Variants in NRXN1 observed in about 807,000 individuals in gnomAD.
NRXN1 encodes neurexin-1.
A neutral mutation model predicts 150.9 loss-of-function variants in NRXN1; 39 were observed. The ratio of observed to expected loss-of-function variants is 0.26; its 90% CI spans 0.20 to 0.34. The LOEUF is 0.34. NRXN1 is among the 10% of genes least tolerant of loss of function. NRXN1 has a pLI of 1.00. For missense variants in NRXN1, 1,815 were observed against 1,949.9 expected (o/e 0.93, Z 1.30); for synonymous variants, 924 against 757.0 (o/e 1.22, Z -3.62).
At chr2:50,693,120 T>C (rs1171663154) in intron 5 of NRXN1, among the ~76,000 whole-genome samples, 1 of 152,144 alleles carries the variant, frequency 6.6e-6, no homozygotes, top group Non-Finnish European at 1.5e-5. Context: ...GACACTTGAA[T>C]AGTTTCTGAT....
intron 2 of NRXN1, among the ~76,000 whole-genome samples, chr2:50,999,551 C>G (rs1699771238): frequency 6.6e-6 from 1 of 152,008 alleles, no homozygotes; most frequent in Admixed American, 6.6e-5. Context: ...CTCCCCCAGG[C>G]ACCCAGCTTT....
chr2:50,846,204 C>A (rs1473080896), intron 5 of NRXN1, among the ~76,000 whole-genome samples: 2 of 152,070 alleles, frequency 1.3e-5, no homozygotes, highest in African/African-American at 4.8e-5. Context: ...CCAGGTTGTT[C>A]ATTTTGTTTT....
chr2:50,944,184 T>C (rs190580276), intron 2 of NRXN1, among the ~76,000 whole-genome samples: 11 of 152,278 alleles, frequency 7.2e-5, no homozygotes, highest in Admixed American at 6.5e-5. Context: ...AGTTTGCCAA[T>C]TGTTGTGCAA....
At chr2:50,420,669 G>C (rs189306777) in intron 17 of NRXN1, among the ~76,000 whole-genome samples, 1 of 152,134 alleles carries the variant, frequency 6.6e-6, no homozygotes, top group South Asian at 2.1e-4. Flanking sequence ...CTAGCATTGT[G>C]TGATAAAGTA....
intron 17 of NRXN1, among the ~76,000 whole-genome samples, chr2:50,381,376 T>TA (rs1454137311): frequency 1.3e-5 from 2 of 151,978 alleles, no homozygotes; most frequent in Admixed American, 1.3e-4. Context: ...AAGAAACTCT[T>TA]AAAGGATGAA....
At chr2:50,486,580 C>G (rs1308942833) in intron 15 of NRXN1, among the ~76,000 whole-genome samples, 1 of 151,994 alleles carries the variant, frequency 6.6e-6, no homozygotes, top group African/African-American at 2.4e-5. Flanking sequence ...TGTTTGAATT[C>G]TTTTTACAGT....
chr2:50,569,255 TA>T (rs1670304077), intron 8 of NRXN1, among the ~76,000 whole-genome samples: 1 of 152,096 alleles, frequency 6.6e-6, no homozygotes, highest in Admixed American at 6.6e-5. Flanking sequence ...TAGTCAACAA[TA>T]ATATATTGTA....
Position 49,921,983 on chromosome 2 carries a change from G to C in NRXN1, c.4485C>G (p.Asn1495Lys). ...CTTTATCCTTGTTTTTCTTATTTTT[G>C]TTGGAGCTTTTCGCACTGCTGGGTT... ...EKQPSSAKSSNKNKKNKDKEY... is the reference protein window; with the variant it reads ...EKQPSSAKSSKKNKKNKDKEY... The change falls in exon 23 of 23, where the codon AAC (asparagine) becomes AAG (lysine). Residue 1495 changes from asparagine (N) to lysine (K), a missense_variant. This residue lies in a region of NRXN1 where 265 missense variants were observed against 307.1 expected (regional missense o/e 0.86). Coordinates refer to ENST00000401669, the MANE Select transcript of NRXN1 (RefSeq NM_001330078.2). 2 of 1,613,954 alleles carry C rather than the reference G, an allele frequency of 1.2e-6. No individual in the cohort carries two copies. Among genetic ancestry groups the C allele is most frequent in the Non-Finnish European group, 1.7e-6 (2 of 1,179,964 alleles).
At chr2:50,320,283 CATATATAT>C (rs61282635) in intron 17 of NRXN1, among the ~76,000 whole-genome samples, 2,672 of 42,934 alleles carry the variant, frequency 0.062, 55 homozygotes, top group Non-Finnish European at 0.076. Flanking sequence ...ATACCTCAAT[CATATATAT>C]ATATATATAT....
intron 9 of NRXN1, among the ~76,000 whole-genome samples, chr2:50,541,837 T>A (rs1418743679): frequency 6.6e-6 from 1 of 152,106 alleles, no homozygotes; most frequent in Non-Finnish European, 1.5e-5. Context: ...GGACCATCAA[T>A]GGATTTTAGC....
At chr2:50,438,618 T>C (rs548160779) in intron 17 of NRXN1, among the ~76,000 whole-genome samples, 15 of 152,352 alleles carry the variant, frequency 9.8e-5, no homozygotes, top group African/African-American at 3.6e-4. Flanking sequence ...ACTGAGGTCA[T>C]ATATTGTTTC....
At chr2:50,644,375 T>C (rs1441147683) in intron 5 of NRXN1, among the ~76,000 whole-genome samples, 1 of 151,808 alleles carries the variant, frequency 6.6e-6, no homozygotes, top group Non-Finnish European at 1.5e-5. Context: ...TTAATAGCCA[T>C]CAAGCTATAC....
At chr2:50,360,109 A>G (rs2079084482) in intron 17 of NRXN1, among the ~76,000 whole-genome samples, 1 of 152,220 alleles carries the variant, frequency 6.6e-6, no homozygotes, top group African/African-American at 2.4e-5. Context: ...TGAAGGAAGC[A>G]CTAAATATGG....
At chr2:50,951,605 A>T (rs554083657) in intron 2 of NRXN1, among the ~76,000 whole-genome samples, 1 of 152,092 alleles carries the variant, frequency 6.6e-6, no homozygotes, top group Non-Finnish European at 1.5e-5. Flanking sequence ...TATTTCAAAA[A>T]AAAATGTCAC....
At chr2:50,564,974 G>T (rs1669635277) in intron 8 of NRXN1, among the ~76,000 whole-genome samples, 1 of 152,062 alleles carries the variant, frequency 6.6e-6, no homozygotes, top group African/African-American at 2.4e-5. Flanking sequence ...TTAAATTGGA[G>T]AACTGAGAAA....
chr2:50,346,939 C>A lies in NRXN1; in HGVS notation c.3365-109969G>T. On this transcript the variant is annotated intron_variant, in intron 17 of 22. Transcript: ENST00000401669. This position sits in a 1 kb window ranked among gnomAD's most constrained non-coding sequence, Gnocchi z 5.0. ...CAGCTCGGCGCCGCACCGGAGCATCCTCTGGTACATGGCGGGGCGCCCGCC... is the reference window on the plus strand; with the variant it reads ...CAGCTCGGCGCCGCACCGGAGCATCATCTGGTACATGGCGGGGCGCCCGCC... The A allele has an allele frequency of 7.3e-7, 1 of 1,363,360 alleles. No homozygotes were observed. Among genetic ancestry groups the A allele is most frequent in the Non-Finnish European group, 9.4e-7 (1 of 1,058,492 alleles). 84.5% of individuals were successfully genotyped at this position (1,363,360 alleles called of 1,614,324 possible).
intron 17 of NRXN1, among the ~76,000 whole-genome samples, chr2:50,297,435 G>A (rs549561732): frequency 1.1e-4 from 17 of 152,224 alleles, no homozygotes; most frequent in African/African-American, 3.9e-4. Context: ...TACCTTACAA[G>A]CATCAGAACT....
At chr2:50,402,247 T>A (rs2082435937) in intron 17 of NRXN1, among the ~76,000 whole-genome samples, 1 of 152,080 alleles carries the variant, frequency 6.6e-6, no homozygotes, top group Admixed American at 6.6e-5. Context: ...ATTTAATACA[T>A]CCATTAATTT....
intron 5 of NRXN1, among the ~76,000 whole-genome samples, chr2:50,797,284 G>T (rs1706966843): frequency 6.6e-6 from 1 of 152,106 alleles, no homozygotes; most frequent in Non-Finnish European, 1.5e-5. Context: ...TAGAAATGCA[G>T]CAACGGCATT....
Sources: allele counts gnomAD v4.1 joint callset (sites outside exome capture counted in the v4.1 genomes callset), GRCh38; gene constraint gnomAD v4.1.1; regional missense constraint gnomAD v4.1.1; non-coding constraint Gnocchi (gnomAD v3.1); transcripts MANE v1.5; gene names NCBI Gene and HGNC (gene_info 2026-07-23, HGNC 2026-07-21).